The following ZHX2 variants were observed in gnomAD, a reference collection of about 807,000 sequenced individuals.
The protein encoded by ZHX2 is zinc fingers and homeoboxes 2.
ZHX2 carries 6 observed loss-of-function variants against 21.9 expected under a neutral mutation model. The observed-to-expected ratio is 0.27, with a 90% confidence interval of 0.15 to 0.54. ZHX2 has a LOEUF of 0.54. ZHX2 is among the 20% of genes least tolerant of loss of function. The probability of loss-of-function intolerance (pLI) is 0.95; values close to 1 mark genes in which losing one functional copy is unlikely to be tolerated. For synonymous variants in ZHX2, 434 were observed against 437.1 expected (o/e 0.99, Z 0.09); for missense variants, 908 against 1,090.7 (o/e 0.83, Z 2.36).
At chr8:122,818,424 A>G (rs1249227479) in intron 1 of ZHX2, among the ~76,000 whole-genome samples, 1 of 152,106 alleles carries the variant, frequency 6.6e-6, no homozygotes, top group Non-Finnish European at 1.5e-5. Flanking sequence ...GCGTAGTCTC[A>G]ATCAGACCCG....
At chr8:122,846,514 C>T (rs923394284) in intron 1 of ZHX2, among the ~76,000 whole-genome samples, 7 of 151,664 alleles carry the variant, frequency 4.6e-5, no homozygotes, top group African/African-American at 7.3e-5. Flanking sequence ...CAAAAACCCC[C>T]GATGTCCTAC....
chr8:122,816,079 C>CAA (rs71310626), intron 1 of ZHX2, among the ~76,000 whole-genome samples: 224 of 90,032 alleles, frequency 2.5e-3, no homozygotes, highest in South Asian at 3.8e-3. Context: ...GACTCCGTCT[C>CAA]AAAAAAAAAA....
chr8:122,945,925 G>A, intron 2 of ZHX2, among the ~76,000 whole-genome samples: 1 of 152,150 alleles, frequency 6.6e-6, no homozygotes, highest in East Asian at 1.9e-4. Context: ...CTGGGCCCTG[G>A]ATGGTGCAGC....
At position 122,952,505 on chromosome 8, in the gene ZHX2, A is replaced by T. The variant is rs1563602222; in HGVS notation, c.995A>T (p.Lys332Met). The T allele has an allele frequency of 1.9e-6, 3 of 1,614,044 alleles. No individual in the cohort carries two copies. Among genetic ancestry groups the T allele is most frequent in the Admixed American group, 3.3e-5 (2 of 60,008 alleles). The stretch of plus-strand genomic sequence containing the variant: ...GAAGAGGTGGAGGAGGCCCGGAAGA[A>T]GATGTTCAACGGCACCATCCAGTCA... ...SPEEVEEARK[K>M]MFNGTIQSVP... The change falls in exon 3 of 4, where the codon AAG (lysine) becomes ATG (methionine). Residue 332 changes from lysine to methionine, a missense_variant. By Grantham distance (95) the Lys-to-Met change is moderately conservative. Coordinates refer to ENST00000314393, the MANE Select transcript of ZHX2 (RefSeq NM_014943.5). This position sits in a 1 kb window ranked among gnomAD's most constrained non-coding sequence, Gnocchi z 6.9.
Position 122,951,477 on chromosome 8 carries a change from T to G in ZHX2, c.-34T>G. ...TCTCACCGCCCCCTCCTTATCCCCC[T>G]CCAAAAATAAGCCATTGCACACAGA... On this transcript the variant is annotated 5_prime_UTR_variant, in exon 3 of 4. Coordinates refer to ENST00000314393, the MANE Select transcript of ZHX2 (RefSeq NM_014943.5). 1.3e-6 allele frequency: 2 copies of G among 1,547,418 alleles called. No homozygotes were observed. The highest frequency in any genetic ancestry group is 1.8e-6 in the Non-Finnish European group (2 of 1,131,984).
intron 3 of ZHX2, among the ~76,000 whole-genome samples, chr8:122,963,764 G>A (rs568187478): frequency 2.6e-5 from 4 of 152,174 alleles, no homozygotes; most frequent in African/African-American, 9.6e-5. Flanking sequence ...AGCATGGGAT[G>A]TGTTTCCATT....
At chr8:122,846,780 A>G (rs1192415093) in intron 1 of ZHX2, among the ~76,000 whole-genome samples, 1 of 152,126 alleles carries the variant, frequency 6.6e-6, no homozygotes, top group Non-Finnish European at 1.5e-5. Flanking sequence ...GAATTATAAG[A>G]TCAACACCAA....
chr8:122,918,317 G>A (rs537379915), intron 2 of ZHX2, among the ~76,000 whole-genome samples: 16 of 152,300 alleles, frequency 1.1e-4, no homozygotes, highest in Middle Eastern at 3.4e-3. Flanking sequence ...CCTTGAGGAC[G>A]AAATCCAGAT....
chr8:122,837,126 A>G (rs1818521006), intron 1 of ZHX2, among the ~76,000 whole-genome samples: 1 of 152,180 alleles, frequency 6.6e-6, no homozygotes, highest in Non-Finnish European at 1.5e-5. Context: ...TAAAAAGGGG[A>G]GGCATGAAGA....
intron 2 of ZHX2, among the ~76,000 whole-genome samples, chr8:122,923,968 G>T (rs1820795049): frequency 1.3e-5 from 2 of 152,146 alleles, no homozygotes; most frequent in Admixed American, 1.3e-4. Context: ...ATTGTGCTCT[G>T]TCCTGATGAA....
intron 2 of ZHX2, among the ~76,000 whole-genome samples, chr8:122,909,452 A>G (rs1820424463): frequency 6.6e-6 from 1 of 151,272 alleles, no homozygotes; most frequent in African/African-American, 2.4e-5. Flanking sequence ...AAAAAAAAAA[A>G]GTGGGGCAGG....
chr8:122,893,500 T>C (rs1384797385), intron 2 of ZHX2, among the ~76,000 whole-genome samples: 2 of 152,182 alleles, frequency 1.3e-5, no homozygotes, highest in Non-Finnish European at 2.9e-5. Context: ...GCTTTTTTCA[T>C]ACTTTTTTTA....
intron 2 of ZHX2, among the ~76,000 whole-genome samples, chr8:122,922,924 G>T (rs1001165115): frequency 6.6e-6 from 1 of 152,190 alleles, no homozygotes; most frequent in African/African-American, 2.4e-5. Context: ...CCATCTGCCC[G>T]GTGGGCTGCT....
intron 1 of ZHX2, among the ~76,000 whole-genome samples, chr8:122,854,036 C>A (rs1288232263): frequency 1.3e-5 from 2 of 152,166 alleles, no homozygotes; most frequent in African/African-American, 4.8e-5. Context: ...TCTACATAGT[C>A]AGTGATCTAC....
chr8:122,956,763 G>A (rs954649237), intron 3 of ZHX2, among the ~76,000 whole-genome samples: 1 of 152,188 alleles, frequency 6.6e-6, no homozygotes, highest in Non-Finnish European at 1.5e-5. Flanking sequence ...ATAGAAAGAT[G>A]CTTAGTGTCT....
rs937020740 is a variant in ZHX2 at position 122,828,197 on chromosome 8, G to A, written c.-282-35280G>A. 7.2e-5 allele frequency among the ~76,000 whole-genome samples: 11 copies of A among 152,208 alleles called. No homozygotes were observed. The highest frequency in any genetic ancestry group is 2.4e-4 in the African/African-American group (10 of 41,442). On this transcript the variant is annotated intron_variant, in intron 1 of 3. Transcript: ENST00000314393. This position sits in a 1 kb window ranked among gnomAD's most constrained non-coding sequence, Gnocchi z 5.2. ...GCACTGGCCAGGAGAGCAGAGGCGA[G>A]TGCAGCGTATATGGAACAAAAGCAC...
intron 1 of ZHX2, among the ~76,000 whole-genome samples, chr8:122,854,046 C>T (rs1217526281): frequency 6.6e-6 from 1 of 152,178 alleles, no homozygotes; most frequent in Non-Finnish European, 1.5e-5. Context: ...CAGTGATCTA[C>T]ATGGTCAGGC....
At chr8:122,870,666 AG>A (rs367611278) in intron 2 of ZHX2, among the ~76,000 whole-genome samples, 12 of 111,950 alleles carry the variant, frequency 1.1e-4, no homozygotes, top group Non-Finnish European at 1.7e-4. Flanking sequence ...AAAAAAAAAA[AG>A]AAAGAGAAAG....
rs555363291 is a variant in ZHX2 at position 122,953,819 on chromosome 8, A to G, written c.2309A>G (p.Asp770Gly). Residue 770 changes from aspartate to glycine, a missense_variant, in exon 3 of 4, where the codon GAC (aspartate) becomes GGC (glycine). By Grantham distance (94) the Asp-to-Gly change is moderately conservative. Transcript: ENST00000314393. This position sits in a 1 kb window ranked among gnomAD's most constrained non-coding sequence, Gnocchi z 4.6. The stretch of plus-strand genomic sequence containing the variant: ...GCAAAGCCCTCAGAGGCCACCTCAG[A>G]CCGGTCAGAGGGCAGCAGCCGGGAC... ...LPAKPSEATS[D>G]RSEGSSRDGQ... The G allele has an allele frequency of 1.2e-6, 2 of 1,614,232 alleles. No individual in the cohort carries two copies. The highest frequency in any genetic ancestry group is 3.3e-5 in the Admixed American group (2 of 60,036).
Sources: allele counts gnomAD v4.1 joint callset (sites outside exome capture counted in the v4.1 genomes callset), GRCh38; gene constraint gnomAD v4.1.1; non-coding constraint Gnocchi (gnomAD v3.1); transcripts MANE v1.5; gene names NCBI Gene and HGNC (gene_info 2026-07-23, HGNC 2026-07-21).